The following IL1RAPL2 variants were observed in gnomAD, a reference collection of about 807,000 sequenced individuals.
IL1RAPL2 encodes the protein X-linked interleukin-1 receptor accessory protein-like 2.
A neutral mutation model predicts 44.1 loss-of-function variants in IL1RAPL2; 3 were observed. That is an observed-to-expected ratio of 0.07 (90% CI 0.03 to 0.18). The LOEUF is 0.18. Ranked by LOEUF, IL1RAPL2 falls within the 10% of genes least tolerant of loss-of-function variation. The pLI is 1.00. For synonymous variants in IL1RAPL2, 181 were observed against 178.8 expected, an observed-to-expected ratio of 1.01 and a Z score of -0.10; for missense variants, 391 against 496.4, an observed-to-expected ratio of 0.79 and a Z score of 2.02.
chrX:105,128,281 CTG>C (rs2032994586), intron 2 of IL1RAPL2, among the ~76,000 whole-genome samples: 1 of 110,425 alleles, frequency 9.1e-6, no homozygotes, highest in African/African-American at 3.3e-5. Context: ...AAAAATTGGT[CTG>C]TGTTATGACT....
intron 5 of IL1RAPL2, among the ~76,000 whole-genome samples, chrX:105,340,757 C>T: frequency 8.9e-6 from 1 of 112,265 alleles, no homozygotes; most frequent in Middle Eastern, 4.7e-3. Flanking sequence ...CCACTCCCAC[C>T]TCCCCATACT....
chrX:104,941,515 T>G (rs1343692117), intron 2 of IL1RAPL2, among the ~76,000 whole-genome samples: 2 of 111,987 alleles, frequency 1.8e-5, no homozygotes, highest in African/African-American at 3.3e-5. Flanking sequence ...GAAGTGTCTG[T>G]TCATGCCCTT....
chrX:104,585,312 A>AATATATAATATATAAT (rs1928511794), intron 1 of IL1RAPL2, among the ~76,000 whole-genome samples: 8 of 21,690 alleles, frequency 3.7e-4, no homozygotes, highest in Non-Finnish European at 5.2e-4. Context: ...TATATTATAT[A>AATATATAATATATAAT]ATATATATTA....
chrX:105,316,269 G>A lies in IL1RAPL2; in HGVS notation c.697+48728G>A, dbSNP rs771422059. On this transcript the variant is annotated intron_variant, in intron 5 of 10. Coordinates refer to ENST00000372582, the MANE Select transcript of IL1RAPL2 (RefSeq NM_017416.2). Reference sequence around the variant, plus strand: ...AGCCTGGGTGACAGAGCAAGACTCCGTCTCAAAAAATAAAAATAAATAAAT... The same window carrying A: ...AGCCTGGGTGACAGAGCAAGACTCCATCTCAAAAAATAAAAATAAATAAAT... 1.0e-3 allele frequency among the ~76,000 whole-genome samples: 115 copies of A among 110,681 alleles called. 1 individual carries two copies. The highest frequency in any genetic ancestry group is 3.6e-3 in the African/African-American group (109 of 30,416).
At chrX:104,600,467 T>C (rs924805040) in intron 1 of IL1RAPL2, among the ~76,000 whole-genome samples, 1 of 111,793 alleles carries the variant, frequency 8.9e-6, no homozygotes, top group Non-Finnish European at 1.9e-5. Context: ...ACCTAGGTTT[T>C]AGATATGATA....
At chrX:105,326,143 C>T (rs1423248022) in intron 5 of IL1RAPL2, among the ~76,000 whole-genome samples, 2 of 111,372 alleles carry the variant, frequency 1.8e-5, no homozygotes, top group Non-Finnish European at 3.8e-5. Context: ...GCCTCCAACT[C>T]TTGGGCTCAA....
At chrX:105,368,266 C>G (rs1179867931) in intron 5 of IL1RAPL2, among the ~76,000 whole-genome samples, 1 of 111,379 alleles carries the variant, frequency 9.0e-6, no homozygotes, top group Non-Finnish European at 1.9e-5. Flanking sequence ...GCCATATGAT[C>G]TCTTTGCATG....
At chrX:104,937,846 C>A (rs1420219223) in intron 2 of IL1RAPL2, among the ~76,000 whole-genome samples, 1 of 112,493 alleles carries the variant, frequency 8.9e-6, no homozygotes, top group African/African-American at 3.2e-5. Context: ...ATTTCATTTT[C>A]TATCTTACTA....
intron 2 of IL1RAPL2, among the ~76,000 whole-genome samples, chrX:105,063,933 G>A (rs1356905894): frequency 2.7e-5 from 3 of 111,958 alleles, no homozygotes; most frequent in Admixed American, 9.4e-5. Context: ...CCTGGAGGTG[G>A]GGATGGGGTG....
At chrX:104,783,822 A>G (rs1932785895) in intron 2 of IL1RAPL2, among the ~76,000 whole-genome samples, 1 of 108,413 alleles carries the variant, frequency 9.2e-6, no homozygotes. Context: ...TCAGAAGAAA[A>G]CATGCTACAA....
intron 1 of IL1RAPL2, among the ~76,000 whole-genome samples, chrX:104,625,840 C>T (rs746701337): frequency 1.3e-4 from 14 of 111,193 alleles, no homozygotes; most frequent in Non-Finnish European, 1.9e-4. Context: ...AATGGTATGA[C>T]GAAATGGAGA....
chrX:105,333,643 A>G (rs374450326), intron 5 of IL1RAPL2, among the ~76,000 whole-genome samples: 4 of 112,168 alleles, frequency 3.6e-5, no homozygotes, highest in African/African-American at 1.3e-4. Flanking sequence ...ACCAGAATAT[A>G]TAACAAGTTC....
At chrX:104,685,221 C>T (rs1930963870) in intron 2 of IL1RAPL2, among the ~76,000 whole-genome samples, 1 of 112,038 alleles carries the variant, frequency 8.9e-6, no homozygotes, top group Non-Finnish European at 1.9e-5. Context: ...CTTGAAAGTC[C>T]ACTCAGGCAT....
intron 6 of IL1RAPL2, among the ~76,000 whole-genome samples, chrX:105,589,848 T>C (rs999896521): frequency 1.8e-5 from 2 of 112,031 alleles, no homozygotes; most frequent in African/African-American, 6.5e-5. Context: ...TTAGGATTGC[T>C]TTAGCTATTT....
At chrX:104,827,619 C>T (rs1316740927) in intron 2 of IL1RAPL2, among the ~76,000 whole-genome samples, 2 of 110,682 alleles carry the variant, frequency 1.8e-5, no homozygotes, top group South Asian at 3.9e-4. Flanking sequence ...TTGCTCTTCT[C>T]GAGGAGTATC....
intron 1 of IL1RAPL2, among the ~76,000 whole-genome samples, chrX:104,657,505 A>G (rs985508871): frequency 4.5e-5 from 5 of 111,981 alleles, no homozygotes. Flanking sequence ...TGTTAGACCT[A>G]AAACCATAAA....
chrX:104,723,108 T>G (rs894236009), intron 2 of IL1RAPL2, among the ~76,000 whole-genome samples: 1 of 110,658 alleles, frequency 9.0e-6, no homozygotes, highest in Non-Finnish European at 1.9e-5. Flanking sequence ...TATTTGCAGC[T>G]GACATCCATT....
At chrX:104,746,005 A>G (rs946653454) in intron 2 of IL1RAPL2, among the ~76,000 whole-genome samples, 1 of 111,842 alleles carries the variant, frequency 8.9e-6, no homozygotes, top group East Asian at 2.8e-4. Flanking sequence ...TTCATTGCGT[A>G]AATCATTTAA....
intron 6 of IL1RAPL2, among the ~76,000 whole-genome samples, chrX:105,660,898 A>G (rs937013578): frequency 7.2e-5 from 8 of 111,666 alleles, no homozygotes; most frequent in African/African-American, 2.6e-4. Context: ...TAAAAAGACA[A>G]ATAACAAAAT....
Sources: allele counts gnomAD v4.1 joint callset (sites outside exome capture counted in the v4.1 genomes callset), GRCh38; gene constraint gnomAD v4.1.1; transcripts MANE v1.5; gene names NCBI Gene and HGNC (gene_info 2026-07-23, HGNC 2026-07-21).